PLOD2: variants seen among roughly 807,000 people sequenced by gnomAD.
The protein encoded by PLOD2 is procollagen-lysine,2-oxoglutarate 5-dioxygenase 2, also known as lysine hydroxylase 2.
In PLOD2, 65 loss-of-function variants were observed where a neutral mutation model predicts 101.0. The ratio of observed to expected loss-of-function variants is 0.64; its 90% CI spans 0.53 to 0.79. PLOD2 has a LOEUF of 0.79. Among genes scored for constraint, PLOD2 ranks in the 30% least tolerant of loss-of-function variants. The pLI is 0.00. For synonymous variants in PLOD2, 314 were observed against 302.9 expected (o/e 1.04, Z -0.38); for missense variants, 909 against 914.6 (o/e 0.99, Z 0.08).
intron 7 of PLOD2, among the ~76,000 whole-genome samples, chr3:146,099,068 T>A (rs1937295840): frequency 6.6e-6 from 1 of 152,160 alleles, no homozygotes; most frequent in Non-Finnish European, 1.5e-5. Context: ...ACTTCATATT[T>A]TATTGTCTAA....
intron 7 of PLOD2, among the ~76,000 whole-genome samples, chr3:146,096,133 C>G (rs945549024): frequency 1.3e-5 from 2 of 150,248 alleles, no homozygotes; most frequent in Admixed American, 6.6e-5. Context: ...GAGTGATCCG[C>G]CAGCCTCGGC....
intron 7 of PLOD2, among the ~76,000 whole-genome samples, chr3:146,100,003 T>C (rs1937330846): frequency 6.6e-6 from 1 of 150,976 alleles, no homozygotes; most frequent in Non-Finnish European, 1.5e-5. Context: ...GCCTCAGCCC[T>C]CTACAGTAGC....
chr3:146,122,685 A>C (rs2030252601), intron 2 of PLOD2, among the ~76,000 whole-genome samples: 2 of 151,864 alleles, frequency 1.3e-5, no homozygotes, highest in South Asian at 2.1e-4. Context: ...AGGATCATAA[A>C]CTCCAGTAAG....
intron 1 of PLOD2, among the ~76,000 whole-genome samples, chr3:146,156,865 A>T (rs1391530628): frequency 1.3e-5 from 2 of 152,212 alleles, no homozygotes; most frequent in East Asian, 3.9e-4. Context: ...CTTTCCACCT[A>T]TGTGAGCTTG....
At position 146,077,329 on chromosome 3, in the gene PLOD2, CCTTT is replaced by C. The variant is rs1455824650; in HGVS notation, c.1564-438_1564-435del. ...TTATATTTCACCAGTCTGTTTCATT[CCTTT>C]CTTTTTCTAATGTTTAAAGGCTAAC... On this transcript the variant is annotated intron_variant, in intron 14 of 19. Transcript: ENST00000282903. The C allele has an allele frequency of 1.4e-5, 3 of 213,086 alleles. No individual in the cohort carries two copies. The Admixed American group carries it at 1.9e-4, about 13-fold the overall frequency. The allele number at this position is 213,086 out of a possible 1,614,324, so 13.2% of individuals were successfully genotyped here.
chr3:146,151,398 G>A (rs2032046728), intron 1 of PLOD2, among the ~76,000 whole-genome samples: 1 of 152,148 alleles, frequency 6.6e-6, no homozygotes. Context: ...TGAGGAGGCT[G>A]AGGCAGAAGA....
At chr3:146,075,533 A>G (rs990894331) in intron 15 of PLOD2, among the ~76,000 whole-genome samples, 6 of 151,062 alleles carry the variant, frequency 4.0e-5, no homozygotes. Context: ...TTTTAAAAGG[A>G]AATTGTTTCT....
chr3:146,083,435 A>ATAGTCTTGTT (rs1394817922), intron 11 of PLOD2, among the ~76,000 whole-genome samples: 2 of 152,224 alleles, frequency 1.3e-5, no homozygotes, highest in Non-Finnish European at 2.9e-5. Context: ...GACTATAGAA[A>ATAGTCTTGTT]CCACATGTCT....
chr3:146,147,326 T>C (rs1158501667), intron 1 of PLOD2, among the ~76,000 whole-genome samples: 1 of 152,030 alleles, frequency 6.6e-6, no homozygotes, highest in Non-Finnish European at 1.5e-5. Context: ...CTCCAAAAGA[T>C]GTGTAAAAGC....
At chr3:146,083,293 A>C (rs1936627041) in intron 11 of PLOD2, among the ~76,000 whole-genome samples, 1 of 152,128 alleles carries the variant, frequency 6.6e-6, no homozygotes, top group South Asian at 2.1e-4. Flanking sequence ...GCAAATAGAG[A>C]TAGGGAGAGA....
At chr3:146,157,407 G>A (rs571403810) in intron 1 of PLOD2, among the ~76,000 whole-genome samples, 1 of 152,236 alleles carries the variant, frequency 6.6e-6, no homozygotes, top group Non-Finnish European at 1.5e-5. Flanking sequence ...AACAAAAATA[G>A]CCAGGAGAAG....
intron 7 of PLOD2, among the ~76,000 whole-genome samples, chr3:146,093,525 T>C (rs1937048970): frequency 6.6e-6 from 1 of 152,158 alleles, no homozygotes; most frequent in Admixed American, 6.5e-5. Context: ...CAAAATATGG[T>C]TTTGAAGGAA....
intron 7 of PLOD2, among the ~76,000 whole-genome samples, chr3:146,095,604 T>C (rs1937121831): frequency 6.6e-6 from 1 of 152,142 alleles, no homozygotes; most frequent in South Asian, 2.1e-4. Flanking sequence ...TTTACGCTGC[T>C]GGTGGGAGTG....
At chr3:146,071,513 T>C (rs1349537949) in intron 17 of PLOD2, 90 bp from the exon 18 acceptor site, 15 of 1,206,282 alleles carry the variant, frequency 1.2e-5, no homozygotes, top group Middle Eastern at 2.2e-4. Flanking sequence ...CAGATCATAA[T>C]AGACAATAAA....
chr3:146,075,466 T>A (rs1002786857), intron 15 of PLOD2, among the ~76,000 whole-genome samples: 32 of 131,804 alleles, frequency 2.4e-4, no homozygotes, highest in Admixed American at 9.0e-4. Context: ...AAGGAGCTAA[T>A]TACTGTACCA....
At chr3:146,095,536 A>G (rs1436745125) in intron 7 of PLOD2, among the ~76,000 whole-genome samples, 3 of 152,132 alleles carry the variant, frequency 2.0e-5, no homozygotes, top group Non-Finnish European at 4.4e-5. Flanking sequence ...TTAGAATGGC[A>G]ATCGCTAAAG....
intron 1 of PLOD2, among the ~76,000 whole-genome samples, chr3:146,134,596 A>G (rs2031121582): frequency 6.6e-6 from 1 of 152,250 alleles, no homozygotes; most frequent in Non-Finnish European, 1.5e-5. Flanking sequence ...AAGGTTATGT[A>G]GCTTGCTGAA....
chr3:146,135,784 G>T (rs1278093647), intron 1 of PLOD2, among the ~76,000 whole-genome samples: 6 of 151,664 alleles, frequency 4.0e-5, no homozygotes, highest in African/African-American at 1.5e-4. Flanking sequence ...ATTTCTTCGA[G>T]ATATTTCCAA....
At chr3:146,132,592 T>A (rs999537076) in intron 1 of PLOD2, among the ~76,000 whole-genome samples, 1 of 150,904 alleles carries the variant, frequency 6.6e-6, no homozygotes, top group African/African-American at 2.4e-5. Context: ...ATTAAGAACT[T>A]TTTTTTTTAG....
Sources: gnomAD v4.1 joint callset for allele counts (sites outside exome capture counted in the v4.1 genomes callset) on GRCh38, gnomAD v4.1.1 for gene constraint, MANE v1.5 for transcripts, NCBI Gene and HGNC (gene_info 2026-07-23, HGNC 2026-07-21) for gene names.